Variants in PDSS2 observed in about 807,000 individuals in gnomAD.
PDSS2 encodes decaprenyl diphosphate synthase subunit 2.
PDSS2 carries 31 observed loss-of-function variants against 44.5 expected under a neutral mutation model. That is an observed-to-expected ratio of 0.70 (90% CI 0.52 to 0.94). PDSS2 has a LOEUF of 0.94. Ranked by LOEUF, PDSS2 falls within the 40% of genes least tolerant of loss-of-function variation. PDSS2 has a pLI of 0.00. For missense variants in PDSS2, 452 were observed against 482.2 expected (o/e 0.94, Z 0.59); for synonymous variants, 157 against 180.3 (o/e 0.87, Z 1.03).
At chr6:107,347,514 C>T (rs1178354810) in intron 1 of PDSS2, among the ~76,000 whole-genome samples, 7 of 151,958 alleles carry the variant, frequency 4.6e-5, no homozygotes, top group Non-Finnish European at 8.8e-5. Flanking sequence ...CTGCTCGCCT[C>T]GGCCTCCCAA....
intron 3 of PDSS2, among the ~76,000 whole-genome samples, chr6:107,270,823 C>T (rs1216180373): frequency 6.6e-6 from 1 of 152,024 alleles, no homozygotes; most frequent in Non-Finnish European, 1.5e-5. Flanking sequence ...TACCTTAATC[C>T]CATGAATGAA....
At chr6:107,420,727 C>T (rs1583062576) in intron 1 of PDSS2, among the ~76,000 whole-genome samples, 1 of 151,802 alleles carries the variant, frequency 6.6e-6, no homozygotes, top group African/African-American at 2.4e-5. Context: ...AACCACAGAA[C>T]TATAAAACTT....
intron 2 of PDSS2, among the ~76,000 whole-genome samples, chr6:107,276,302 C>T (rs1299959975): frequency 1.3e-5 from 2 of 152,156 alleles, no homozygotes; most frequent in Non-Finnish European, 2.9e-5. Context: ...AGAATTGCTA[C>T]AGACTAGTGA....
chr6:107,411,169 A>C (rs957858542), intron 1 of PDSS2, among the ~76,000 whole-genome samples: 2 of 152,200 alleles, frequency 1.3e-5, no homozygotes, highest in African/African-American at 2.4e-5. Context: ...TACAGGCGTG[A>C]GCCACTGCAC....
In PDSS2 at chr6:107,459,032, C is replaced by T; in HGVS notation, c.254G>A (p.Arg85Gln). The change falls in exon 1 of 8, where the codon CGG (arginine) becomes CAG (glutamine). Residue 85 changes from arginine to glutamine, a missense_variant. Physicochemically the swap from Arg to Gln is conservative, Grantham distance 43. Transcript: ENST00000369037. This position sits in a 1 kb window ranked among gnomAD's most constrained non-coding sequence, Gnocchi z 4.3. The stretch of plus-strand genomic sequence containing the variant: ...AGGGTGCTGAGTGCCCACCAGCTTC[C>T]GCACCTGCATAGCGATGTTGCTGAG... ...DELSNIAMQVRKLVGTQHPLL... is the reference protein window; with the variant it reads ...DELSNIAMQVQKLVGTQHPLL... 6.2e-7 allele frequency: 1 copy of T among 1,614,124 alleles called. No individual in the cohort carries two copies. Among genetic ancestry groups the T allele is most frequent in the South Asian group, 1.1e-5 (1 of 91,084 alleles).
At chr6:107,426,373 T>C (rs1403235161) in intron 1 of PDSS2, among the ~76,000 whole-genome samples, 1 of 152,206 alleles carries the variant, frequency 6.6e-6, no homozygotes, top group African/African-American at 2.4e-5. Flanking sequence ...AGAGGATGTA[T>C]GGAAATGCCT....
intron 1 of PDSS2, among the ~76,000 whole-genome samples, chr6:107,350,541 G>A (rs1390556743): frequency 6.6e-6 from 1 of 152,242 alleles, no homozygotes; most frequent in East Asian, 1.9e-4. Flanking sequence ...GCCAGGTTTA[G>A]TGGCTCATTA....
chr6:107,450,339 G>A (rs775661751), intron 1 of PDSS2, among the ~76,000 whole-genome samples: 44 of 152,190 alleles, frequency 2.9e-4, no homozygotes, highest in Non-Finnish European at 4.6e-4. Flanking sequence ...ATTAAAGAAA[G>A]GAAAACTATG....
chr6:107,154,218 G>A lies in PDSS2; in HGVS notation c.*401C>T, dbSNP rs369670879. On this transcript the variant is annotated 3_prime_UTR_variant, in exon 8 of 8. Coordinates refer to ENST00000369037, the MANE Select transcript of PDSS2 (RefSeq NM_020381.4). Reference sequence around the variant, plus strand: ...CAATCCTCCCTGGTTGGTATTGAGAGCATTTCTCTTGACACCTGCAGCTTC... The same window carrying A: ...CAATCCTCCCTGGTTGGTATTGAGAACATTTCTCTTGACACCTGCAGCTTC... 1.1e-5 allele frequency: 3 copies of A among 266,048 alleles called. No homozygotes were observed. The highest frequency in any genetic ancestry group is 6.7e-5 in the African/African-American group (3 of 44,572). 16.5% of individuals were successfully genotyped at this position (266,048 alleles called of 1,614,324 possible).
intron 6 of PDSS2, among the ~76,000 whole-genome samples, chr6:107,209,448 T>C (rs1296162730): frequency 6.6e-6 from 1 of 152,116 alleles, no homozygotes; most frequent in Non-Finnish European, 1.5e-5. Flanking sequence ...AATCCTCCAG[T>C]TTTCTACTTG....
chr6:107,451,952 G>A (rs1394908219), intron 1 of PDSS2, among the ~76,000 whole-genome samples: 1 of 152,152 alleles, frequency 6.6e-6, no homozygotes, highest in African/African-American at 2.4e-5. Flanking sequence ...TAATAATGTT[G>A]AACATCTTTT....
chr6:107,240,360 C>T (rs1000204314), intron 4 of PDSS2, among the ~76,000 whole-genome samples: 14 of 151,470 alleles, frequency 9.2e-5, no homozygotes, highest in Non-Finnish European at 1.6e-4. Context: ...AGGATGACAC[C>T]ACTGCCCTCC....
rs532500581 is a variant in PDSS2, at chr6:107,449,620, G to A, written c.296+9370C>T. Among the ~76,000 whole-genome samples, 174 of 152,166 alleles carry A rather than the reference G, an allele frequency of 1.1e-3. 3 individuals carry two copies. Among genetic ancestry groups the A allele is most frequent in the African/African-American group, 3.9e-3 (163 of 41,436 alleles). ...TTTCACTCAGCATAATGTCCTCCAG[G>A]TTCATCCATATTATGACACGTGTGC... On this transcript the variant is annotated intron_variant, in intron 1 of 7. Coordinates refer to ENST00000369037, the MANE Select transcript of PDSS2 (RefSeq NM_020381.4).
At chr6:107,431,326 C>T (rs1432580154) in intron 1 of PDSS2, among the ~76,000 whole-genome samples, 1 of 152,194 alleles carries the variant, frequency 6.6e-6, no homozygotes, top group Non-Finnish European at 1.5e-5. Context: ...AATCATGGCT[C>T]ACTACAGCCT....
At chr6:107,301,533 T>C (rs919106899) in intron 2 of PDSS2, among the ~76,000 whole-genome samples, 1 of 152,176 alleles carries the variant, frequency 6.6e-6, no homozygotes, top group African/African-American at 2.4e-5. Context: ...AGAACACATA[T>C]GTTGGTGGGT....
At chr6:107,225,963 A>T (rs1247279908) in intron 4 of PDSS2, among the ~76,000 whole-genome samples, 1 of 152,234 alleles carries the variant, frequency 6.6e-6, no homozygotes, top group African/African-American at 2.4e-5. Context: ...TCTTGCTCTC[A>T]TAGTTATTAC....
At chr6:107,448,472 G>A (rs987689051) in intron 1 of PDSS2, among the ~76,000 whole-genome samples, 1 of 152,180 alleles carries the variant, frequency 6.6e-6, no homozygotes, top group Non-Finnish European at 1.5e-5. Context: ...CATAGCAAGA[G>A]TGACCTTTAC....
At chr6:107,379,466 T>C (rs1376770204) in intron 1 of PDSS2, among the ~76,000 whole-genome samples, 1 of 152,236 alleles carries the variant, frequency 6.6e-6, no homozygotes. Flanking sequence ...TCCTTGCTGA[T>C]TTTTGTCTGT....
At chr6:107,165,373 T>G (rs1771305915) in intron 7 of PDSS2, among the ~76,000 whole-genome samples, 1 of 152,210 alleles carries the variant, frequency 6.6e-6, no homozygotes, top group Non-Finnish European at 1.5e-5. Flanking sequence ...AGTTTCAGCT[T>G]TCTACATATG....
Sources: gnomAD v4.1 joint callset for allele counts (sites outside exome capture counted in the v4.1 genomes callset) on GRCh38, gnomAD v4.1.1 for gene constraint, Gnocchi (gnomAD v3.1) non-coding constraint, MANE v1.5 for transcripts, NCBI Gene and HGNC (gene_info 2026-07-23, HGNC 2026-07-21) for gene names.